Variants in DGKG observed in about 807,000 individuals in gnomAD.
DGKG encodes the protein DAG kinase gamma.
A neutral mutation model predicts 105.3 loss-of-function variants in DGKG; 78 were observed. That is an observed-to-expected ratio of 0.74 (90% CI 0.62 to 0.89). The LOEUF (loss-of-function observed/expected upper bound fraction) is 0.89, where lower values mean the gene tolerates loss of function less well. Among genes scored for constraint, DGKG ranks in the 40% least tolerant of loss-of-function variants. The pLI, the probability that DGKG is intolerant of heterozygous loss-of-function variation, is 0.00. For synonymous variants in DGKG, 346 were observed against 367.1 expected (o/e 0.94, Z 0.66); for missense variants, 958 against 1,020.1 (o/e 0.94, Z 0.83).
chr3:186,212,471 T>C (rs557519517), intron 20 of DGKG, among the ~76,000 whole-genome samples: 4 of 152,274 alleles, frequency 2.6e-5, no homozygotes, highest in African/African-American at 9.6e-5. Flanking sequence ...AGTTGATTGG[T>C]AGCAATAATC....
At chr3:186,161,371 G>A (rs1279393600) in intron 24 of DGKG, 11 of 1,384,022 alleles carry the variant, frequency 7.9e-6, no homozygotes, top group Non-Finnish European at 1.0e-5. Flanking sequence ...TTGGTTCTAT[G>A]TCTCATTCAA....
chr3:186,315,594 G>A (rs3819848), intron 2 of DGKG, among the ~76,000 whole-genome samples: 87,713 of 151,598 alleles, frequency 0.58, 25,999 homozygotes, highest in Middle Eastern at 0.67. Context: ...ACTAGGCACT[G>A]TGAGTCTATG....
intron 21 of DGKG, among the ~76,000 whole-genome samples, chr3:186,209,321 C>T (rs192978237): frequency 2.6e-5 from 4 of 152,076 alleles, no homozygotes; most frequent in East Asian, 1.9e-4. Flanking sequence ...AAGCTGGTCT[C>T]GAACTCCTGA....
rs1011261859 is a variant in DGKG, at chr3:186,231,238, A to G, written c.1826+11266T>C. Reference sequence around the variant, plus strand: ...TCTCATGGGCCCTTTAATCATATCTATGGCTCTTTTCTAGTCTTTTTTTGG... The same window carrying G: ...TCTCATGGGCCCTTTAATCATATCTGTGGCTCTTTTCTAGTCTTTTTTTGG... On this transcript the variant is annotated intron_variant, in intron 20 of 24. Transcript: ENST00000265022. This position sits in a 1 kb window ranked among gnomAD's most constrained non-coding sequence, Gnocchi z 4.5. 6.6e-6 allele frequency among the ~76,000 whole-genome samples: 1 copy of G among 152,086 alleles called. No individual in the cohort carries two copies.
At chr3:186,317,578 C>T (rs1724876928) in intron 2 of DGKG, among the ~76,000 whole-genome samples, 1 of 152,172 alleles carries the variant, frequency 6.6e-6, no homozygotes, top group African/African-American at 2.4e-5. Flanking sequence ...CTTGGAAGCT[C>T]CCATGATGTC....
intron 21 of DGKG, among the ~76,000 whole-genome samples, chr3:186,191,013 G>A (rs977509086): frequency 2.0e-5 from 3 of 152,050 alleles, no homozygotes; most frequent in Non-Finnish European, 2.9e-5. Context: ...AGGCACATAA[G>A]GGAAGATGCC....
chr3:186,260,894 A>C (rs771989984), intron 15 of DGKG, among the ~76,000 whole-genome samples: 11 of 152,168 alleles, frequency 7.2e-5, no homozygotes, highest in Non-Finnish European at 1.6e-4. Context: ...CCCTCTGCAG[A>C]CTGTACAAAA....
At chr3:186,313,580 AGCAGCATCAGCAT>A in intron 2 of DGKG, 1 of 927,766 alleles carries the variant, frequency 1.1e-6, no homozygotes, top group Non-Finnish European at 1.3e-6. Flanking sequence ...TCCCTGGACC[AGCAGCATCAGCAT>A]CACCTGGGAG....
chr3:186,282,574 G>A (rs886807614), intron 7 of DGKG, among the ~76,000 whole-genome samples: 11 of 151,504 alleles, frequency 7.3e-5, no homozygotes, highest in Middle Eastern at 3.3e-3. Context: ...GTGCAGTGGC[G>A]CCATCTCGGC....
chr3:186,309,489 T>C (rs578120697), intron 2 of DGKG, among the ~76,000 whole-genome samples: 1 of 152,324 alleles, frequency 6.6e-6, no homozygotes, highest in East Asian at 1.9e-4. Context: ...AAAGAGAAGT[T>C]AGAATGAGAC....
At chr3:186,186,896 C>G (rs1262682201) in intron 22 of DGKG, among the ~76,000 whole-genome samples, 3 of 152,212 alleles carry the variant, frequency 2.0e-5, no homozygotes, top group African/African-American at 7.2e-5. Flanking sequence ...TGTTTGTATT[C>G]TGGTGAGTTA....
chr3:186,262,533 C>T (rs149216311), intron 14 of DGKG, among the ~76,000 whole-genome samples: 45 of 152,352 alleles, frequency 3.0e-4, no homozygotes, highest in African/African-American at 1.1e-3. Context: ...GACACCAGGT[C>T]AGCCATACCA....
intron 1 of DGKG, among the ~76,000 whole-genome samples, chr3:186,351,335 C>T (rs900926608): frequency 2.0e-5 from 3 of 152,030 alleles, no homozygotes; most frequent in Non-Finnish European, 4.4e-5. Context: ...AATGTGTAGG[C>T]TTCATTTTCC....
chr3:186,168,144 A>C (rs1191118879), intron 22 of DGKG, among the ~76,000 whole-genome samples: 1 of 152,202 alleles, frequency 6.6e-6, no homozygotes, highest in Non-Finnish European at 1.5e-5. Flanking sequence ...AAAAATAATT[A>C]AGCAATAAAC....
At chr3:186,280,336 T>C (rs1560131331) in intron 8 of DGKG, among the ~76,000 whole-genome samples, 1 of 152,252 alleles carries the variant, frequency 6.6e-6, no homozygotes, top group Non-Finnish European at 1.5e-5. Context: ...ATAATTCATA[T>C]TATCTGGTGA....
At chr3:186,322,260 A>G (rs1198771383) in intron 1 of DGKG, among the ~76,000 whole-genome samples, 2 of 152,226 alleles carry the variant, frequency 1.3e-5, no homozygotes, top group Non-Finnish European at 2.9e-5. Context: ...AAAGAATGAG[A>G]TCCTGTTCCT....
intron 20 of DGKG, among the ~76,000 whole-genome samples, chr3:186,223,512 T>A (rs1475437996): frequency 6.6e-6 from 1 of 152,088 alleles, no homozygotes; most frequent in East Asian, 1.9e-4. Flanking sequence ...TTTCCCATCA[T>A]GAAATTGTTA....
At chr3:186,213,153 A>C (rs1382387130) in intron 20 of DGKG, among the ~76,000 whole-genome samples, 1 of 152,238 alleles carries the variant, frequency 6.6e-6, no homozygotes, top group Non-Finnish European at 1.5e-5. Flanking sequence ...GCATGAAAAG[A>C]ACTAATAAAT....
At position 186,150,061 on chromosome 3, in the gene DGKG, C is replaced by A; in HGVS notation, c.*29G>T. ...TGCATTATAGTTTCTTGCTTTCTCT[C>A]TTGGTTTAGCTGGTGTTTGGCACAC... On this transcript the variant is annotated 3_prime_UTR_variant, in exon 25 of 25. Transcript: ENST00000265022. 1 of 1,597,140 alleles carries A rather than the reference C, an allele frequency of 6.3e-7. No homozygotes were observed. The highest frequency in any genetic ancestry group is 1.7e-4 in the Middle Eastern group (1 of 5,988).
Sources: allele counts gnomAD v4.1 joint callset (sites outside exome capture counted in the v4.1 genomes callset), GRCh38; gene constraint gnomAD v4.1.1; non-coding constraint Gnocchi (gnomAD v3.1); transcripts MANE v1.5; gene names NCBI Gene and HGNC (gene_info 2026-07-23, HGNC 2026-07-21).